The following RAP1GDS1 variants were observed in gnomAD, a reference collection of about 807,000 sequenced individuals.
RAP1GDS1 encodes the protein Rap1 GTPase-GDP dissociation stimulator 1, also known as RAP1, GTP-GDP dissociation stimulator 1.
In RAP1GDS1, 35 loss-of-function variants were observed where a neutral mutation model predicts 71.1. The ratio of observed to expected loss-of-function variants is 0.49; its 90% CI spans 0.38 to 0.65. RAP1GDS1 has a LOEUF of 0.65. RAP1GDS1 is among the 30% of genes least tolerant of loss of function. RAP1GDS1 has a pLI of 0.00. For synonymous variants in RAP1GDS1, 229 were observed against 243.1 expected (o/e 0.94, Z 0.54); for missense variants, 663 against 706.1 (o/e 0.94, Z 0.69).
chr4:98,280,900 G>A (rs191485630), intron 1 of RAP1GDS1, among the ~76,000 whole-genome samples: 4 of 152,248 alleles, frequency 2.6e-5, no homozygotes, highest in Non-Finnish European at 2.9e-5. Flanking sequence ...TCTGAGGTTT[G>A]TCAAAGATCA....
chr4:98,360,257 A>C (rs1738533611), intron 4 of RAP1GDS1, among the ~76,000 whole-genome samples: 1 of 152,154 alleles, frequency 6.6e-6, no homozygotes, highest in Non-Finnish European at 1.5e-5. Context: ...TAGATACGAA[A>C]GTAGAGGCAA....
intron 2 of RAP1GDS1, among the ~76,000 whole-genome samples, chr4:98,330,909 A>T (rs1733905776): frequency 6.6e-6 from 1 of 152,234 alleles, no homozygotes; most frequent in Non-Finnish European, 1.5e-5. Context: ...AGCTGGGCAG[A>T]GGCTGCAATC....
chr4:98,404,768 A>G (rs764130445), intron 7 of RAP1GDS1, among the ~76,000 whole-genome samples, 166 bp downstream of exon 7: 1 of 152,172 alleles, frequency 6.6e-6, no homozygotes, highest in Non-Finnish European at 1.5e-5. Context: ...CCATAGCTAT[A>G]TCTACATTGG....
At position 98,379,175 on chromosome 4, in the gene RAP1GDS1, T is replaced by G; in HGVS notation, c.508+12T>G. 6.4e-7 allele frequency: 1 copy of G among 1,557,430 alleles called. No homozygotes were observed. The highest frequency in any genetic ancestry group is 8.6e-7 in the Non-Finnish European group (1 of 1,156,156). On this transcript the variant is annotated intron_variant, in intron 5 of 14. Transcript: ENST00000408927. ...TAGCAATGAGAATGGTAAACAAAAC[T>G]GAAAACTTGCTTTATCTCTGGGGGA... is the stretch of plus-strand genomic sequence containing the variant.
At chr4:98,365,435 C>G (rs1009381224) in intron 4 of RAP1GDS1, among the ~76,000 whole-genome samples, 1 of 149,596 alleles carries the variant, frequency 6.7e-6, no homozygotes, top group South Asian at 2.1e-4. Context: ...GGCAACATGG[C>G]GGAACCCCCT....
chr4:98,316,466 C>T (rs1730956980), intron 2 of RAP1GDS1, among the ~76,000 whole-genome samples: 2 of 151,968 alleles, frequency 1.3e-5, no homozygotes, highest in Admixed American at 1.3e-4. Flanking sequence ...TTATTAAAGT[C>T]AGGGAGTGTG....
At chr4:98,384,782 T>C (rs1474321645) in intron 5 of RAP1GDS1, among the ~76,000 whole-genome samples, 1 of 151,668 alleles carries the variant, frequency 6.6e-6, no homozygotes, top group Non-Finnish European at 1.5e-5. Flanking sequence ...AAAATAAAAT[T>C]ATTATAGTCT....
At chr4:98,334,784 G>C (rs1304551710) in intron 2 of RAP1GDS1, among the ~76,000 whole-genome samples, 3 of 151,282 alleles carry the variant, frequency 2.0e-5, no homozygotes, top group Non-Finnish European at 2.9e-5. Flanking sequence ...AGTTGTCATC[G>C]AGCTGTTATA....
chr4:98,284,003 T>C (rs1725608659), intron 1 of RAP1GDS1, among the ~76,000 whole-genome samples: 1 of 152,064 alleles, frequency 6.6e-6, no homozygotes, highest in Non-Finnish European at 1.5e-5. Context: ...TTCATGTAAC[T>C]GAGCAAAGTT....
At chr4:98,331,927 A>T (rs1734077155) in intron 2 of RAP1GDS1, among the ~76,000 whole-genome samples, 2 of 152,182 alleles carry the variant, frequency 1.3e-5, no homozygotes, top group South Asian at 4.1e-4. Context: ...TAATCAAAAG[A>T]CTTCAAAAGC....
chr4:98,304,373 T>C (rs977452434), intron 2 of RAP1GDS1, among the ~76,000 whole-genome samples: 1 of 152,214 alleles, frequency 6.6e-6, no homozygotes, highest in African/African-American at 2.4e-5. Context: ...TCCTTGACTT[T>C]TTAGTAATCA....
At chr4:98,398,731 A>G (rs1294746759) in intron 6 of RAP1GDS1, among the ~76,000 whole-genome samples, 1 of 152,208 alleles carries the variant, frequency 6.6e-6, no homozygotes, top group African/African-American at 2.4e-5. Flanking sequence ...GAATTCAGTA[A>G]TGTTGCAGGA....
At chr4:98,273,394 A>G (rs1321739563) in intron 1 of RAP1GDS1, among the ~76,000 whole-genome samples, 1 of 152,196 alleles carries the variant, frequency 6.6e-6, no homozygotes, top group Non-Finnish European at 1.5e-5. Flanking sequence ...AAAAATATAT[A>G]TGAGAGAACA....
rs73832199 is a variant in RAP1GDS1 at position 98,275,472 on chromosome 4, G to A, written c.4+13903G>A. On this transcript the variant is annotated intron_variant, in intron 1 of 14. Transcript: ENST00000408927. Reference sequence around the variant, plus strand: ...GTTGTGTTCCAATAAAATTTTATGGGCACTGAAATTTAAATTTTATATAAT... The same window carrying A: ...GTTGTGTTCCAATAAAATTTTATGGACACTGAAATTTAAATTTTATATAAT... Among the ~76,000 whole-genome samples, 752 of 152,208 alleles carry A rather than the reference G, an allele frequency of 4.9e-3. 7 individuals are homozygous for A. The highest frequency in any genetic ancestry group is 0.018 in the South Asian group (86 of 4,826).
intron 4 of RAP1GDS1, among the ~76,000 whole-genome samples, chr4:98,369,145 G>A (rs143057081): frequency 4.6e-5 from 7 of 152,266 alleles, no homozygotes; most frequent in Admixed American, 6.5e-5. Flanking sequence ...CACAAGAACA[G>A]CATAGGAAAA....
chr4:98,369,611 C>T (rs1271674798), intron 4 of RAP1GDS1, among the ~76,000 whole-genome samples: 1 of 152,146 alleles, frequency 6.6e-6, no homozygotes, highest in Non-Finnish European at 1.5e-5. Context: ...TAAAAGAATA[C>T]TTACTGCATG....
At chr4:98,348,428 C>T (rs990472912) in intron 3 of RAP1GDS1, among the ~76,000 whole-genome samples, 26 of 152,148 alleles carry the variant, frequency 1.7e-4, no homozygotes, top group African/African-American at 5.1e-4. Flanking sequence ...AGTAAACATA[C>T]GTGTGCATGT....
chr4:98,318,274 G>A (rs1204918243), intron 2 of RAP1GDS1, among the ~76,000 whole-genome samples: 1 of 152,008 alleles, frequency 6.6e-6, no homozygotes, highest in Non-Finnish European at 1.5e-5. Flanking sequence ...AGATCCTCAG[G>A]GGATGCGTTC....
intron 4 of RAP1GDS1, among the ~76,000 whole-genome samples, chr4:98,362,483 A>T (rs1283808961): frequency 6.6e-6 from 1 of 152,174 alleles, no homozygotes; most frequent in Non-Finnish European, 1.5e-5. Context: ...AAAACAGACA[A>T]CAACTAACAC....
Sources: gnomAD v4.1 joint callset for allele counts (sites outside exome capture counted in the v4.1 genomes callset) on GRCh38, gnomAD v4.1.1 for gene constraint, MANE v1.5 for transcripts, NCBI Gene and HGNC (gene_info 2026-07-23, HGNC 2026-07-21) for gene names.